The following GPC5 variants were observed in gnomAD, a reference collection of about 807,000 sequenced individuals.
GPC5 encodes glypican-5.
GPC5 carries 47 observed loss-of-function variants against 53.9 expected under a neutral mutation model. That is an observed-to-expected ratio of 0.87 (90% confidence interval 0.69 to 1.11). The LOEUF (loss-of-function observed/expected upper bound fraction) is 1.11, where lower values mean the gene tolerates loss of function less well. GPC5 is among the 50% of genes most tolerant of loss of function. The pLI, the probability that GPC5 is intolerant of heterozygous loss-of-function variation, is 0.00. For missense variants in GPC5, 748 were observed against 713.1 expected (o/e 1.05, Z -0.56); for synonymous variants, 286 against 263.3 (o/e 1.09, Z -0.84).
chr13:92,663,549 C>G (rs1231785670), intron 7 of GPC5, among the ~76,000 whole-genome samples: 1 of 144,642 alleles, frequency 6.9e-6, no homozygotes, highest in Non-Finnish European at 1.5e-5. Context: ...CCAGCCTGTC[C>G]AATATGGTGA....
chr13:92,310,807 A>G (rs2043140414), intron 7 of GPC5, among the ~76,000 whole-genome samples: 1 of 152,212 alleles, frequency 6.6e-6, no homozygotes, highest in Non-Finnish European at 1.5e-5. Flanking sequence ...ACACTCGGTA[A>G]ACAAATAGTA....
intron 7 of GPC5, among the ~76,000 whole-genome samples, chr13:92,441,144 T>C (rs1012190861): frequency 6.6e-6 from 1 of 152,186 alleles, no homozygotes; most frequent in African/African-American, 2.4e-5. Flanking sequence ...CGATCTCGGC[T>C]CACTGCAACC....
At chr13:92,476,578 T>G (rs944852096) in intron 7 of GPC5, among the ~76,000 whole-genome samples, 10 of 150,634 alleles carry the variant, frequency 6.6e-5, no homozygotes, top group African/African-American at 2.5e-4. Flanking sequence ...CATGCTGCTA[T>G]AAAGACACAT....
intron 7 of GPC5, among the ~76,000 whole-genome samples, chr13:92,562,658 T>C (rs1216415183): frequency 6.6e-6 from 1 of 152,024 alleles, no homozygotes; most frequent in Non-Finnish European, 1.5e-5. Flanking sequence ...GAAATCATCT[T>C]TGCTTCATCA....
At chr13:92,659,842 AGAAAAG>A (rs1886276887) in intron 7 of GPC5, among the ~76,000 whole-genome samples, 1 of 152,166 alleles carries the variant, frequency 6.6e-6, no homozygotes, top group Admixed American at 6.5e-5. Flanking sequence ...GAGAGTGAAA[AGAAAAG>A]GAAGGAAGTC....
chr13:92,276,531 AT>A (rs1458066245), intron 7 of GPC5, among the ~76,000 whole-genome samples: 1 of 152,104 alleles, frequency 6.6e-6, no homozygotes, highest in Non-Finnish European at 1.5e-5. Flanking sequence ...AACAAAAATA[AT>A]TCAGGATTAA....
chr13:92,031,836 A>ATATATTACATATTATATATAATATATAT (rs2040851822), intron 6 of GPC5, among the ~76,000 whole-genome samples: 1 of 73,492 alleles, frequency 1.4e-5, no homozygotes, highest in African/African-American at 5.6e-5. Context: ...ATAATATATA[A>ATATATTACATATTATATATAATATATAT]TATATTACAT....
At chr13:92,021,895 T>C (rs948660573) in intron 6 of GPC5, among the ~76,000 whole-genome samples, 1 of 152,216 alleles carries the variant, frequency 6.6e-6, no homozygotes, top group Admixed American at 6.5e-5. Flanking sequence ...AGATTATTAG[T>C]CAAACTGTCC....
At chr13:91,548,821 G>T (rs1399263566) in intron 2 of GPC5, among the ~76,000 whole-genome samples, 3 of 152,176 alleles carry the variant, frequency 2.0e-5, no homozygotes, top group Non-Finnish European at 4.4e-5. Flanking sequence ...CTGATCTTTG[G>T]TGAATGAGCA....
chr13:92,636,378 A>G (rs1053564281), intron 7 of GPC5, among the ~76,000 whole-genome samples: 1 of 152,176 alleles, frequency 6.6e-6, no homozygotes, highest in African/African-American at 2.4e-5. Flanking sequence ...TGATATATAT[A>G]GGACTTATTT....
chr13:92,091,737 A>C (rs1224513372), intron 6 of GPC5, among the ~76,000 whole-genome samples: 1 of 151,502 alleles, frequency 6.6e-6, no homozygotes, highest in Admixed American at 6.6e-5. Flanking sequence ...TGCACAAATC[A>C]ATCAAGAATT....
chr13:92,738,197 T>C (rs1342843832), intron 7 of GPC5, among the ~76,000 whole-genome samples: 1 of 152,090 alleles, frequency 6.6e-6, no homozygotes, highest in East Asian at 1.9e-4. Flanking sequence ...ATCTATGTCA[T>C]CTCTTTGACA....
intron 5 of GPC5, among the ~76,000 whole-genome samples, chr13:91,827,175 T>A (rs2138846896): frequency 6.6e-6 from 1 of 152,112 alleles, no homozygotes; most frequent in South Asian, 2.1e-4. Context: ...TATATCAACA[T>A]ATCAGGTGTA....
intron 7 of GPC5, among the ~76,000 whole-genome samples, chr13:92,364,506 G>A (rs1422649590): frequency 6.6e-6 from 1 of 151,684 alleles, no homozygotes; most frequent in African/African-American, 2.4e-5. Context: ...CAAGGCGGGT[G>A]GATCACGAGG....
At chr13:92,106,634 G>A (rs990810554) in intron 6 of GPC5, among the ~76,000 whole-genome samples, 2 of 152,032 alleles carry the variant, frequency 1.3e-5, no homozygotes, top group Non-Finnish European at 2.9e-5. Flanking sequence ...AAGAATAAGA[G>A]TTCACATAAA....
intron 7 of GPC5, among the ~76,000 whole-genome samples, chr13:92,231,752 G>T (rs1363647123): frequency 6.6e-6 from 1 of 152,112 alleles, no homozygotes; most frequent in Non-Finnish European, 1.5e-5. Context: ...CAGATCACGA[G>T]ATCAGGAGTT....
At chr13:92,087,843 A>G (rs1262415825) in intron 6 of GPC5, among the ~76,000 whole-genome samples, 1 of 152,182 alleles carries the variant, frequency 6.6e-6, no homozygotes, top group Non-Finnish European at 1.5e-5. Context: ...GGGTAATTTT[A>G]GAATGTCATT....
At chr13:92,662,675 G>C (rs11616823) in intron 7 of GPC5, among the ~76,000 whole-genome samples, 2,138 of 152,264 alleles carry the variant, frequency 0.014, 29 homozygotes, top group Admixed American at 0.02. Flanking sequence ...TGAAGTGCCT[G>C]GGAGTTTATT....
At chr13:92,217,709 T>G (rs2042420767) in intron 7 of GPC5, among the ~76,000 whole-genome samples, 1 of 151,526 alleles carries the variant, frequency 6.6e-6, no homozygotes, top group African/African-American at 2.4e-5. Context: ...TCCCTGAATA[T>G]TTTTTTTTCT....
Sources: allele counts gnomAD v4.1 joint callset (sites outside exome capture counted in the v4.1 genomes callset), GRCh38; gene constraint gnomAD v4.1.1; transcripts MANE v1.5; gene names NCBI Gene and HGNC (gene_info 2026-07-23, HGNC 2026-07-21).